The following NXN variants were observed in gnomAD, a reference collection of about 807,000 sequenced individuals.
NXN encodes nucleoredoxin 1.
A neutral mutation model predicts 48.6 loss-of-function variants in NXN; 16 were observed. That is an observed-to-expected ratio of 0.33 (90% CI 0.22 to 0.50). The LOEUF (loss-of-function observed/expected upper bound fraction) is 0.50. NXN is among the 20% of genes least tolerant of loss of function. The pLI, the probability that NXN is intolerant of heterozygous loss-of-function variation, is 0.98. For synonymous variants in NXN, 281 were observed against 269.6 expected (o/e 1.04, Z -0.41); for missense variants, 492 against 605.5 (o/e 0.81, Z 1.97).
At chr17:937,743 C>T (rs34242116) in intron 1 of NXN, among the ~76,000 whole-genome samples, 31,821 of 152,146 alleles carry the variant, frequency 0.21, 3,693 homozygotes, top group Non-Finnish European at 0.25. Flanking sequence ...CACGCTGTCA[C>T]GGGGACGCCG....
rs147604295 is a variant in NXN, at chr17:915,175, A to G, written c.360+64144T>C. Among the ~76,000 whole-genome samples the G allele has an allele frequency of 1.2e-4, 18 of 152,268 alleles. No homozygotes were observed. In the East Asian group the frequency reaches 3.1e-3, roughly 26 times the overall value. On this transcript the variant is annotated intron_variant, in intron 1 of 7. Transcript: ENST00000336868. The stretch of plus-strand genomic sequence containing the variant: ...GGCCTCGAACTTCTGACCTCGTGAT[A>G]GGTCCACCTCAGCCTCCAAAAGTGC...
chr17:836,843 T>C (rs1913850623), intron 1 of NXN, among the ~76,000 whole-genome samples: 1 of 152,184 alleles, frequency 6.6e-6, no homozygotes. Flanking sequence ...TCTCATTCTG[T>C]GGCCCAGGCA....
At chr17:807,997 GTGGTTA>G (rs1911670470) in intron 5 of NXN, among the ~76,000 whole-genome samples, 1 of 152,208 alleles carries the variant, frequency 6.6e-6, no homozygotes, top group African/African-American at 2.4e-5. Context: ...CAGCCAGGCA[GTGGTTA>G]CAGTAGGGAT....
At chr17:924,267 G>A (rs960149633) in intron 1 of NXN, among the ~76,000 whole-genome samples, 4 of 151,890 alleles carry the variant, frequency 2.6e-5, no homozygotes, top group African/African-American at 4.8e-5. Flanking sequence ...ATGGAGTTTC[G>A]CTCTTATTGC....
chr17:840,076 G>A (rs12936137), intron 1 of NXN, among the ~76,000 whole-genome samples: 7,193 of 146,412 alleles, frequency 0.049, 287 homozygotes, highest in East Asian at 0.24. Context: ...CAGCGTGGGC[G>A]ACAGAGCGAG....
At chr17:955,450 A>G (rs538388903) in intron 1 of NXN, among the ~76,000 whole-genome samples, 22 of 148,264 alleles carry the variant, frequency 1.5e-4, no homozygotes, top group East Asian at 4.4e-4. Context: ...GATTACAGGC[A>G]TGAGACACTG....
At position 800,777 on chromosome 17, in the gene NXN, A is replaced by T; in HGVS notation, c.*172T>A. 1 of 418,496 alleles carries T rather than the reference A, an allele frequency of 2.4e-6. No individual in the cohort carries two copies. The highest frequency in any genetic ancestry group is 4.1e-6 in the Non-Finnish European group (1 of 241,738). The allele number at this position is 418,496 out of a possible 1,614,324, so 25.9% of individuals were successfully genotyped here. ...GGTGGACTCTGCCGCTGCTGATTCC[A>T]CACCCCAGGGTGCTGGCTGAGGAGT... On this transcript the variant is annotated 3_prime_UTR_variant, in exon 8 of 8. Coordinates refer to ENST00000336868, the MANE Select transcript of NXN (RefSeq NM_022463.5).
intron 1 of NXN, among the ~76,000 whole-genome samples, chr17:896,505 CTAAAACACAAGAA>C (rs2068487708): frequency 6.6e-6 from 1 of 152,162 alleles, no homozygotes; most frequent in Non-Finnish European, 1.5e-5. Flanking sequence ...GACCCTGTGT[CTAAAACACAAGAA>C]TAAAAAACAA....
intron 1 of NXN, among the ~76,000 whole-genome samples, chr17:895,678 C>A (rs555870710): frequency 6.7e-6 from 1 of 150,222 alleles, no homozygotes; most frequent in Non-Finnish European, 1.5e-5. Flanking sequence ...ATTAGCCAGG[C>A]GTGGTGGTGG....
In NXN at chr17:920,023, G is replaced by C. The variant is rs564868821; in HGVS notation, c.360+59296C>G. ...CACTTCCACGGCCTCCTCCATGTGA[G>C]GACCTCCGCCTCCAACTCTCTTCGA... On this transcript the variant is annotated intron_variant, in intron 1 of 7. Transcript: ENST00000336868. The surrounding 1 kb of genome is among the most constrained non-coding windows in gnomAD (Gnocchi z 4.6). Among the ~76,000 whole-genome samples the C allele has an allele frequency of 5.9e-5, 9 of 152,238 alleles. No individual in the cohort carries two copies. Among genetic ancestry groups the C allele is most frequent in the African/African-American group, 2.2e-4 (9 of 41,548 alleles).
intron 1 of NXN, among the ~76,000 whole-genome samples, chr17:842,083 C>G (rs544967890): frequency 9.9e-5 from 15 of 152,256 alleles, no homozygotes; most frequent in Middle Eastern, 3.4e-3. Flanking sequence ...TTGCAGTGAG[C>G]TGAGATCCCG....
At chr17:944,380 G>C (rs1191409173) in intron 1 of NXN, among the ~76,000 whole-genome samples, 1 of 152,166 alleles carries the variant, frequency 6.6e-6, no homozygotes, top group Non-Finnish European at 1.5e-5. Flanking sequence ...ACGCTTCTCT[G>C]ACTTCAAAGC....
At chr17:927,561 C>T (rs1335040431) in intron 1 of NXN, among the ~76,000 whole-genome samples, 2 of 117,390 alleles carry the variant, frequency 1.7e-5, no homozygotes, top group Admixed American at 1.1e-4. Context: ...GCCTGGGTGA[C>T]GGAAGTAAAA....
chr17:847,886 A>C (rs1334789141), intron 1 of NXN, among the ~76,000 whole-genome samples: 2 of 152,356 alleles, frequency 1.3e-5, no homozygotes, highest in Non-Finnish European at 1.5e-5. Flanking sequence ...GAATAAGAAA[A>C]AACAGCTACA....
chr17:886,707 G>A lies in NXN; in HGVS notation c.361-60629C>T, dbSNP rs146533304. Among the ~76,000 whole-genome samples, 5 of 151,774 alleles carry A rather than the reference G, an allele frequency of 3.3e-5. No individual in the cohort carries two copies. In the Middle Eastern group the frequency reaches 0.01, roughly 310 times the overall value. ...GCAGGAGAATCACTTCAACTCGGGA[G>A]GTGGAGCTTGCAGTGAGCTGAGATC... On this transcript the variant is annotated intron_variant, in intron 1 of 7. Transcript: ENST00000336868.
intron 1 of NXN, among the ~76,000 whole-genome samples, chr17:937,412 A>G (rs955241501): frequency 5.3e-5 from 8 of 152,142 alleles, no homozygotes; most frequent in African/African-American, 1.9e-4. Flanking sequence ...GGACACAAGG[A>G]ACACACCTGG....
At chr17:875,771 A>T (rs899470050) in intron 1 of NXN, among the ~76,000 whole-genome samples, 1 of 151,704 alleles carries the variant, frequency 6.6e-6, no homozygotes, top group Non-Finnish European at 1.5e-5. Context: ...TAAAAAAAAA[A>T]AAAAAATTGT....
At chr17:889,213 T>G (rs2068382785) in intron 1 of NXN, among the ~76,000 whole-genome samples, 1 of 152,198 alleles carries the variant, frequency 6.6e-6, no homozygotes, top group Non-Finnish European at 1.5e-5. Flanking sequence ...CGCCTGCACG[T>G]GCCACACTTG....
At chr17:953,390 G>A (rs1385801924) in intron 1 of NXN, among the ~76,000 whole-genome samples, 1 of 152,142 alleles carries the variant, frequency 6.6e-6, no homozygotes, top group African/African-American at 2.4e-5. Context: ...ACTCCAGCCT[G>A]GGAGACAGAG....
Sources: gnomAD v4.1 joint callset for allele counts (sites outside exome capture counted in the v4.1 genomes callset) on GRCh38, gnomAD v4.1.1 for gene constraint, Gnocchi (gnomAD v3.1) non-coding constraint, MANE v1.5 for transcripts, NCBI Gene and HGNC (gene_info 2026-07-23, HGNC 2026-07-21) for gene names.